The following EPSTI1 variants were observed in gnomAD, a reference collection of about 807,000 sequenced individuals.
EPSTI1 encodes epithelial-stromal interaction protein 1.
Under a neutral mutation model 49.9 loss-of-function variants are expected in EPSTI1, and 66 were observed. That is an observed-to-expected ratio of 1.32 (90% CI 1.08 to 1.62). The LOEUF is 1.62. Ranked by LOEUF, EPSTI1 falls within the 40% of genes most tolerant of loss-of-function variation. The pLI is 0.00. For synonymous variants in EPSTI1, 137 were observed against 130.7 expected, an observed-to-expected ratio of 1.05 and a Z score of -0.33; for missense variants, 394 against 365.5, an observed-to-expected ratio of 1.08 and a Z score of -0.64.
At chr13:42,912,113 C>A (rs950596900) in intron 8 of EPSTI1, among the ~76,000 whole-genome samples, 1 of 152,156 alleles carries the variant, frequency 6.6e-6, no homozygotes, top group Non-Finnish European at 1.5e-5. Flanking sequence ...TAACCATGCA[C>A]AATCAATAAA....
At chr13:42,979,442 C>T (rs1449994191) in intron 1 of EPSTI1, among the ~76,000 whole-genome samples, 4 of 151,748 alleles carry the variant, frequency 2.6e-5, no homozygotes, top group Non-Finnish European at 4.4e-5. Context: ...ATTAGCCGGG[C>T]GTGGTGGCGG....
At chr13:42,899,582 G>T (rs980209756) in intron 9 of EPSTI1, among the ~76,000 whole-genome samples, 1 of 151,982 alleles carries the variant, frequency 6.6e-6, no homozygotes, top group Non-Finnish European at 1.5e-5. Flanking sequence ...GGTTAAATAC[G>T]TTCAAAAAAA....
intron 1 of EPSTI1, among the ~76,000 whole-genome samples, chr13:42,971,891 C>T (rs963679152): frequency 6.6e-6 from 1 of 152,198 alleles, no homozygotes; most frequent in Non-Finnish European, 1.5e-5. Flanking sequence ...TATCAGCAGA[C>T]GTTGCATGTG....
chr13:42,955,891 A>C (rs554938422), intron 5 of EPSTI1, among the ~76,000 whole-genome samples: 2 of 125,216 alleles, frequency 1.6e-5, no homozygotes, highest in East Asian at 4.7e-4. Context: ...GGGGGGGGGA[A>C]GTAGTAGTAG....
chr13:42,926,557 T>C, intron 6 of EPSTI1, 128 bp from the exon 7 acceptor site: 1 of 707,944 alleles, frequency 1.4e-6, no homozygotes, highest in South Asian at 1.5e-5. Context: ...GAACAGAAAG[T>C]TACGTTGAGA....
rs766485256 is a variant in EPSTI1 at position 42,894,999 on chromosome 13, A to G, written c.915+10T>C. On this transcript the variant is annotated intron_variant, in intron 10 of 10. Coordinates refer to ENST00000313624, the MANE Select transcript of EPSTI1 (RefSeq NM_033255.5). ...TTGAAAGATGATTTAAGAGAAAAGA[A>G]AAAACTCACCCAGCTGTTACCGCTA... 6.3e-7 allele frequency: 1 copy of G among 1,598,792 alleles called. No individual in the cohort carries two copies. The highest frequency in any genetic ancestry group is 8.5e-7 in the Non-Finnish European group (1 of 1,172,826).
intron 6 of EPSTI1, among the ~76,000 whole-genome samples, chr13:42,945,960 A>G (rs2038905405): frequency 6.6e-6 from 1 of 152,238 alleles, no homozygotes; most frequent in African/African-American, 2.4e-5. Context: ...CTTTATTAGC[A>G]TAAGATAGAA....
intron 7 of EPSTI1, among the ~76,000 whole-genome samples, chr13:42,919,060 A>G (rs2037919308): frequency 6.6e-6 from 1 of 152,228 alleles, no homozygotes; most frequent in Non-Finnish European, 1.5e-5. Flanking sequence ...ATTTAGTTAA[A>G]GCAAAATTAC....
chr13:42,902,733 C>T (rs1443970563), intron 8 of EPSTI1, among the ~76,000 whole-genome samples: 2 of 152,178 alleles, frequency 1.3e-5, no homozygotes, highest in African/African-American at 2.4e-5. Context: ...AATGAATGAG[C>T]AATATCATCC....
At chr13:42,938,458 G>A (rs115789074) in intron 6 of EPSTI1, among the ~76,000 whole-genome samples, 3,753 of 152,090 alleles carry the variant, frequency 0.025, 126 homozygotes, top group East Asian at 0.11. Context: ...AGGATTTTCA[G>A]AATGGCAAAT....
chr13:42,970,479 T>C, intron 2 of EPSTI1, 133 bp downstream of exon 2: 1 of 698,320 alleles, frequency 1.4e-6, no homozygotes, highest in South Asian at 2.7e-5. Context: ...TAATCAAAAC[T>C]AAAAAAAACA....
chr13:42,981,310 A>T (rs2153435609), intron 1 of EPSTI1, among the ~76,000 whole-genome samples: 1 of 152,220 alleles, frequency 6.6e-6, no homozygotes, highest in South Asian at 2.1e-4. Flanking sequence ...ACCTTACAGC[A>T]CTCTACTGAC....
intron 8 of EPSTI1, among the ~76,000 whole-genome samples, chr13:42,912,807 T>C (rs2037724336): frequency 6.6e-6 from 1 of 151,740 alleles, no homozygotes; most frequent in Admixed American, 6.6e-5. Flanking sequence ...GCTAAAGCTT[T>C]CATCCAGAAT....
At chr13:42,953,450 C>T (rs2039163643) in intron 6 of EPSTI1, among the ~76,000 whole-genome samples, 1 of 152,186 alleles carries the variant, frequency 6.6e-6, no homozygotes, top group Non-Finnish European at 1.5e-5. Flanking sequence ...CTGTTAGCTG[C>T]TGTTGTTCAC....
intron 10 of EPSTI1, among the ~76,000 whole-genome samples, chr13:42,893,834 A>T (rs184095856): frequency 6.6e-6 from 1 of 152,342 alleles, no homozygotes; most frequent in Non-Finnish European, 1.5e-5. Flanking sequence ...ACAAGCTTGG[A>T]TAATGTCTTC....
At chr13:42,935,694 T>C in intron 6 of EPSTI1, among the ~76,000 whole-genome samples, 1 of 152,128 alleles carries the variant, frequency 6.6e-6, no homozygotes, top group East Asian at 1.9e-4. Context: ...CAGGTTCAAG[T>C]GATTCTCTTG....
intron 8 of EPSTI1, among the ~76,000 whole-genome samples, chr13:42,913,168 T>G (rs1248893166): frequency 6.6e-6 from 1 of 151,020 alleles, no homozygotes; most frequent in Admixed American, 6.6e-5. Context: ...AGAAAACTAA[T>G]AAAAAGTAAA....
At chr13:42,962,998 G>A (rs2039501180) in intron 5 of EPSTI1, among the ~76,000 whole-genome samples, 2 of 152,136 alleles carry the variant, frequency 1.3e-5, no homozygotes, top group South Asian at 2.1e-4. Context: ...CTTAACAATT[G>A]TCTTTGTTCT....
chr13:42,892,784 A>C (rs1333197559), intron 10 of EPSTI1, among the ~76,000 whole-genome samples: 1 of 152,216 alleles, frequency 6.6e-6, no homozygotes, highest in Non-Finnish European at 1.5e-5. Flanking sequence ...AGTGAACATC[A>C]GTTCAGAAAG....
Sources: gnomAD v4.1 joint callset for allele counts (sites outside exome capture counted in the v4.1 genomes callset) on GRCh38, gnomAD v4.1.1 for gene constraint, MANE v1.5 for transcripts, NCBI Gene and HGNC (gene_info 2026-07-23, HGNC 2026-07-21) for gene names.